Variants in ZBTB7C observed in about 807,000 individuals in gnomAD.
ZBTB7C encodes zinc finger and BTB domain containing 7C, also known as zinc finger and BTB domain-containing protein 7C.
In ZBTB7C, 8 loss-of-function variants were observed where a neutral mutation model predicts 25.7. That is an observed-to-expected ratio of 0.31 (90% CI 0.18 to 0.56). ZBTB7C has a LOEUF of 0.56. ZBTB7C is among the 20% of genes least tolerant of loss of function. ZBTB7C has a pLI of 0.91. For synonymous variants in ZBTB7C, 394 were observed against 369.0 expected, an observed-to-expected ratio of 1.07 and a Z score of -0.78; for missense variants, 824 against 855.2, an observed-to-expected ratio of 0.96 and a Z score of 0.46.
chr18:48,068,877 G>C (rs2037435967), intron 3 of ZBTB7C, among the ~76,000 whole-genome samples: 1 of 152,192 alleles, frequency 6.6e-6, no homozygotes, highest in Non-Finnish European at 1.5e-5. Flanking sequence ...GAATCTGGGG[G>C]CCAGAATATA....
At chr18:48,065,012 A>G (rs1044303992) in intron 3 of ZBTB7C, among the ~76,000 whole-genome samples, 5 of 152,296 alleles carry the variant, frequency 3.3e-5, no homozygotes, top group Non-Finnish European at 5.9e-5. Context: ...CAAACATCTA[A>G]CATGTCCTTT....
intron 2 of ZBTB7C, among the ~76,000 whole-genome samples, chr18:48,200,348 G>T (rs2042411648): frequency 6.6e-6 from 1 of 151,964 alleles, no homozygotes; most frequent in South Asian, 2.1e-4. Context: ...TTGGTGAAGG[G>T]CCTGTGTGGC....
chr18:48,225,835 C>G (rs941034981), intron 2 of ZBTB7C, among the ~76,000 whole-genome samples: 12 of 152,132 alleles, frequency 7.9e-5, no homozygotes, highest in Non-Finnish European at 1.8e-4. Context: ...CTCCACCTCC[C>G]AGGTTCAAGT....
chr18:48,038,612 C>T (rs992996783), intron 4 of ZBTB7C, among the ~76,000 whole-genome samples: 1 of 150,962 alleles, frequency 6.6e-6, no homozygotes, highest in Non-Finnish European at 1.5e-5. Context: ...TCATTCACAA[C>T]CTTGCACTGT....
intron 3 of ZBTB7C, among the ~76,000 whole-genome samples, chr18:48,076,528 A>G (rs1223929436): frequency 6.6e-6 from 1 of 152,226 alleles, no homozygotes; most frequent in Non-Finnish European, 1.5e-5. Context: ...TTAAATATCC[A>G]GGACACTGAC....
chr18:48,367,175 T>TTATATATATATATATATATATATATA (rs71165321), intron 1 of ZBTB7C, among the ~76,000 whole-genome samples: 8 of 62,244 alleles, frequency 1.3e-4, no homozygotes, highest in South Asian at 4.1e-4. Flanking sequence ...TCCCCAAGTT[T>TTATATATATATATATATATATATATA]TATATATATA....
At chr18:48,359,919 A>T (rs2047064231) in intron 1 of ZBTB7C, among the ~76,000 whole-genome samples, 1 of 152,186 alleles carries the variant, frequency 6.6e-6, no homozygotes, top group Non-Finnish European at 1.5e-5. Flanking sequence ...CCAGAAAAGC[A>T]TACAGCACAT....
At chr18:48,192,770 A>G (rs1025571429) in intron 2 of ZBTB7C, among the ~76,000 whole-genome samples, 1 of 152,216 alleles carries the variant, frequency 6.6e-6, no homozygotes, top group Non-Finnish European at 1.5e-5. Context: ...TGGATGATGG[A>G]CTTTAGTTCA....
At chr18:48,199,894 C>T (rs968973464) in intron 2 of ZBTB7C, among the ~76,000 whole-genome samples, 1 of 152,130 alleles carries the variant, frequency 6.6e-6, no homozygotes, top group African/African-American at 2.4e-5. Context: ...AAGGCTTGAG[C>T]GCTATACTCA....
intron 3 of ZBTB7C, among the ~76,000 whole-genome samples, chr18:48,169,552 G>A (rs1270957947): frequency 6.6e-6 from 1 of 152,192 alleles, no homozygotes; most frequent in African/African-American, 2.4e-5. Flanking sequence ...GGAGCCGAGG[G>A]TCAGAAAGGT....
chr18:48,246,334 G>T (rs1423280483), intron 2 of ZBTB7C, among the ~76,000 whole-genome samples: 2 of 152,038 alleles, frequency 1.3e-5, no homozygotes, highest in South Asian at 2.1e-4. Context: ...GGAGGCTAAG[G>T]CAGGAGAATG....
rs2035646314 is a variant in ZBTB7C, at chr18:48,029,585, C to G, written c.1535G>C (p.Gly512Ala). ...GCCGCCCAGGTGGCCGCCCACCTCG[C>G]CCAGCGCAGGGGGCATCACGAAGGC... ...KAAFVMPPAL[G>A]EVGGHLGGAA... Residue 512 changes from glycine to alanine, a missense_variant, in exon 5 of 5, where the codon GGC becomes GCC. Physicochemically the swap from Gly to Ala is moderately conservative, Grantham distance 60. Coordinates refer to ENST00000590800, the MANE Select transcript of ZBTB7C (RefSeq NM_001318841.2). 6.7e-7 allele frequency: 1 copy of G among 1,486,046 alleles called. No homozygotes were observed. Among genetic ancestry groups the G allele is most frequent in the African/African-American group, 1.5e-5 (1 of 68,638 alleles). 92.1% of individuals were successfully genotyped at this position (1,486,046 alleles called of 1,614,324 possible).
chr18:48,263,069 C>T (rs1054718293), intron 2 of ZBTB7C, among the ~76,000 whole-genome samples: 1 of 152,232 alleles, frequency 6.6e-6, no homozygotes, highest in African/African-American at 2.4e-5. Flanking sequence ...GTGGCCCCAG[C>T]TCCCATGGGA....
chr18:48,220,235 G>T (rs749371182), intron 2 of ZBTB7C, among the ~76,000 whole-genome samples: 12 of 152,184 alleles, frequency 7.9e-5, no homozygotes, highest in Non-Finnish European at 1.5e-4. Flanking sequence ...GTGCAGTTGA[G>T]ATCCTATTCA....
chr18:48,073,592 G>C (rs1469267905), intron 3 of ZBTB7C, among the ~76,000 whole-genome samples: 2 of 152,188 alleles, frequency 1.3e-5, no homozygotes, highest in Non-Finnish European at 2.9e-5. Flanking sequence ...AACAGGCCCT[G>C]AGTTTGAACA....
intron 3 of ZBTB7C, among the ~76,000 whole-genome samples, chr18:48,129,334 C>T (rs1026869390): frequency 6.9e-6 from 1 of 144,654 alleles, no homozygotes; most frequent in Non-Finnish European, 1.5e-5. Flanking sequence ...AGGACACACA[C>T]ACACCCAGAG....
intron 2 of ZBTB7C, among the ~76,000 whole-genome samples, chr18:48,276,118 A>AT (rs1186096400): frequency 1.3e-5 from 2 of 152,046 alleles, no homozygotes; most frequent in Non-Finnish European, 2.9e-5. Context: ...AAGGCCTCAG[A>AT]TTTTATAACC....
intron 2 of ZBTB7C, among the ~76,000 whole-genome samples, chr18:48,245,419 A>T (rs1326251025): frequency 6.6e-6 from 1 of 151,132 alleles, no homozygotes; most frequent in Non-Finnish European, 1.5e-5. Context: ...ATCACCACTA[A>T]AGATCTTATC....
intron 1 of ZBTB7C, among the ~76,000 whole-genome samples, chr18:48,399,620 C>T (rs1281098053): frequency 6.6e-6 from 1 of 152,148 alleles, no homozygotes; most frequent in Non-Finnish European, 1.5e-5. Flanking sequence ...TCCTGGGCCT[C>T]GTCTGAAGCA....
Sources: gnomAD v4.1 joint callset for allele counts (sites outside exome capture counted in the v4.1 genomes callset) on GRCh38, gnomAD v4.1.1 for gene constraint, MANE v1.5 for transcripts, NCBI Gene and HGNC (gene_info 2026-07-23, HGNC 2026-07-21) for gene names.